The following SEMA3A variants were observed in gnomAD, a reference collection of about 807,000 sequenced individuals.
SEMA3A encodes the protein semaphorin-3A.
Under a neutral mutation model 97.9 loss-of-function variants are expected in SEMA3A, and 29 were observed. The ratio of observed to expected loss-of-function variants is 0.30; its 90% CI spans 0.22 to 0.40. The LOEUF is 0.40. Among genes scored for constraint, SEMA3A ranks in the 10% least tolerant of loss-of-function variants. The probability of loss-of-function intolerance (pLI) is 1.00; values close to 1 mark genes in which losing one functional copy is unlikely to be tolerated. For synonymous variants in SEMA3A, 321 were observed against 323.7 expected (o/e 0.99, Z 0.09); for missense variants, 763 against 951.3 (o/e 0.80, Z 2.60).
chr7:84,281,896 AGT>A (rs1458600012), intron 3 of SEMA3A, among the ~76,000 whole-genome samples: 3 of 152,178 alleles, frequency 2.0e-5, no homozygotes, highest in African/African-American at 7.2e-5. Context: ...TCATTACTAA[AGT>A]GTGTTTTGAT....
chr7:84,162,317 G>C (rs568109031), intron 1 of SEMA3A, among the ~76,000 whole-genome samples: 1 of 152,136 alleles, frequency 6.6e-6, no homozygotes, highest in Non-Finnish European at 1.5e-5. Context: ...CACAATAGTA[G>C]GATTTTACAA....
intron 3 of SEMA3A, among the ~76,000 whole-genome samples, chr7:84,209,979 C>G (rs1798586788): frequency 6.6e-6 from 1 of 151,810 alleles, no homozygotes; most frequent in South Asian, 2.1e-4. Context: ...ACTTTTTTTC[C>G]TAAGGGGATC....
chr7:84,217,486 TTA>T (rs1186719812), intron 3 of SEMA3A, among the ~76,000 whole-genome samples: 1 of 152,182 alleles, frequency 6.6e-6, no homozygotes, highest in Non-Finnish European at 1.5e-5. Context: ...ATTCTAAACA[TTA>T]TGTTATAATA....
intron 1 of SEMA3A, among the ~76,000 whole-genome samples, chr7:84,434,973 C>G (rs1388376778): frequency 2.6e-5 from 4 of 152,144 alleles, no homozygotes; most frequent in Non-Finnish European, 5.9e-5. Flanking sequence ...ACTCCCACCA[C>G]TGCTATTTAA....
chr7:83,961,809 A>G lies in SEMA3A; in HGVS notation c.1878T>C (p.His626=), dbSNP rs767711069. The part of the protein sequence containing the change: ...ERKEEIRVDD[H]IIRTDQGLLL... The stretch of plus-strand genomic sequence containing the variant: ...GAAGGCCTTGATCTGTCCTGATGAT[A>G]TGATCATCCACTCTGATCTAGCAGG... Residue 626 remains histidine (H), a synonymous_variant, in exon 17 of 17, where the codon CAT becomes CAC. Transcript: ENST00000265362. 2 of 1,611,376 alleles carry G rather than the reference A, an allele frequency of 1.2e-6. No individual in the cohort carries two copies. The highest frequency in any genetic ancestry group is 1.7e-6 in the Non-Finnish European group (2 of 1,177,952).
chr7:84,005,102 C>T (rs1264235910), intron 11 of SEMA3A, among the ~76,000 whole-genome samples: 1 of 152,114 alleles, frequency 6.6e-6, no homozygotes, highest in East Asian at 1.9e-4. Context: ...AATACAATAT[C>T]TAATACATAT....
At chr7:84,126,922 G>A (rs961504107) in intron 3 of SEMA3A, among the ~76,000 whole-genome samples, 1 of 151,984 alleles carries the variant, frequency 6.6e-6, no homozygotes, top group South Asian at 2.1e-4. Flanking sequence ...ACCTCTCTGG[G>A]TTCTTACTTC....
intron 3 of SEMA3A, among the ~76,000 whole-genome samples, chr7:84,290,065 A>T (rs1307947791): frequency 2.0e-5 from 3 of 152,168 alleles, no homozygotes; most frequent in Non-Finnish European, 4.4e-5. Context: ...GATACAGGCA[A>T]GAATTTGATT....
intron 6 of SEMA3A, 148 bp from the exon 7 acceptor site, chr7:84,014,499 T>G (rs1203181187): frequency 1.6e-6 from 1 of 638,204 alleles, no homozygotes; most frequent in Non-Finnish European, 2.6e-6. Context: ...TACATATTAA[T>G]TGTTCTTTAT....
rs1317854733 is a variant in SEMA3A at position 83,958,014 on chromosome 7, G to A, written c.*3357C>T. 2 of 151,954 alleles carry A rather than the reference G, an allele frequency of 1.3e-5. No homozygotes were observed. Among genetic ancestry groups the A allele is most frequent in the South Asian group, 2.1e-4 (1 of 4,816 alleles). The allele number at this position is 151,954 out of a possible 1,614,324, so 9.4% of individuals were successfully genotyped here. A position where few individuals can be genotyped will look rare whatever the true frequency, so the allele number is the denominator to read the frequency against. On this transcript the variant is annotated 3_prime_UTR_variant, in exon 17 of 17. Coordinates refer to ENST00000265362, the MANE Select transcript of SEMA3A (RefSeq NM_006080.3). ...CCATATTAATAAAATGCTTGTCTGT[G>A]ACCTTTAAGATAAGCAATTTCAATA...
intron 15 of SEMA3A, among the ~76,000 whole-genome samples, chr7:83,973,699 T>G (rs564310795): frequency 6.6e-6 from 1 of 152,274 alleles, no homozygotes; most frequent in East Asian, 1.9e-4. Context: ...TAAATTGAGA[T>G]GGACAGTTAT....
chr7:84,184,602 A>G (rs1036078640), intron 1 of SEMA3A, among the ~76,000 whole-genome samples: 1 of 151,176 alleles, frequency 6.6e-6, no homozygotes, highest in Non-Finnish European at 1.5e-5. Flanking sequence ...AGGTGGGGGT[A>G]TGGGTAAGGG....
chr7:84,001,995 T>C lies in SEMA3A; in HGVS notation c.1412A>G (p.Asp471Gly), dbSNP rs555493748. Residue 471 changes from aspartate to glycine, a missense_variant, in exon 12 of 17, where the codon GAT becomes GGT. Asp to Gly is a moderately conservative substitution (Grantham distance 94). Around this residue, in one of 2 missense-constraint regions of SEMA3A, gnomAD observed 678 missense variants for 881.3 expected, o/e 0.77. Coordinates refer to ENST00000265362, the MANE Select transcript of SEMA3A (RefSeq NM_006080.3). ...TTCTTCCAGCAGAACCTCTTCTAAA[T>C]CATACCAAGTCTCCTTAGGAATTGA... ...VVSIPKETWY[D>G]LEEVLLEEMT... 80 of 1,612,850 alleles carry C rather than the reference T, an allele frequency of 5.0e-5. No individual in the cohort carries two copies. The South Asian group carries it at 8.8e-4, about 18-fold the overall frequency.
chr7:84,248,276 T>A (rs1222662420), intron 3 of SEMA3A, among the ~76,000 whole-genome samples: 1 of 152,200 alleles, frequency 6.6e-6, no homozygotes. Context: ...CTGTTAATAA[T>A]GTATTTGAGG....
chr7:84,315,020 G>A (rs1801457492), intron 2 of SEMA3A, among the ~76,000 whole-genome samples: 2 of 152,122 alleles, frequency 1.3e-5, no homozygotes, highest in African/African-American at 2.4e-5. Flanking sequence ...ATCTGGAGAA[G>A]CTTTTGGTTT....
intron 1 of SEMA3A, among the ~76,000 whole-genome samples, chr7:84,434,643 G>T (rs1180066628): frequency 1.3e-5 from 2 of 152,114 alleles, no homozygotes; most frequent in African/African-American, 4.8e-5. Flanking sequence ...CCAGCAGCAT[G>T]TCAAAGAGTT....
intron 3 of SEMA3A, among the ~76,000 whole-genome samples, chr7:84,241,303 G>A (rs879634335): frequency 1.1e-4 from 17 of 151,968 alleles, no homozygotes; most frequent in Admixed American, 8.5e-4. Flanking sequence ...CCATTCTAAC[G>A]GCATGAGATA....
chr7:84,236,764 G>A (rs1260673555), intron 3 of SEMA3A, among the ~76,000 whole-genome samples: 1 of 152,082 alleles, frequency 6.6e-6, no homozygotes. Flanking sequence ...ACCAATTCAA[G>A]TGTGTTATCT....
intron 1 of SEMA3A, among the ~76,000 whole-genome samples, chr7:84,469,215 TCCTGTCTTTGGGAGA>T (rs1806081910): frequency 6.6e-6 from 1 of 152,186 alleles, no homozygotes; most frequent in Admixed American, 6.5e-5. Context: ...TAATATTACT[TCCTGTCTTTGGGAGA>T]CCTTCGCTCT....
Sources: allele counts gnomAD v4.1 joint callset (sites outside exome capture counted in the v4.1 genomes callset), GRCh38; gene constraint gnomAD v4.1.1; regional missense constraint gnomAD v4.1.1; transcripts MANE v1.5; gene names NCBI Gene and HGNC (gene_info 2026-07-23, HGNC 2026-07-21).